The following WDR49 variants were observed in gnomAD, a reference collection of about 807,000 sequenced individuals.
The protein encoded by WDR49 is cilia- and flagella-associated protein 337.
Under a neutral mutation model 119.5 loss-of-function variants are expected in WDR49, and 107 were observed. The observed-to-expected ratio is 0.90, with a 90% CI of 0.77 to 1.05. The LOEUF (loss-of-function observed/expected upper bound fraction) is 1.05, where lower values mean the gene tolerates loss of function less well. Among genes scored for constraint, WDR49 ranks in the 50% least tolerant of loss-of-function variants. The pLI, the probability that WDR49 is intolerant of heterozygous loss-of-function variation, is 0.00. For synonymous variants in WDR49, 425 were observed against 418.8 expected (o/e 1.01, Z -0.18); for missense variants, 1,240 against 1,220.5 (o/e 1.02, Z -0.24).
In WDR49 at chr3:167,504,705, G is replaced by A. The variant is rs568592129; in HGVS notation, c.2884+602C>T. ...GGACATGAGATTTGGAGGTGCCAGG[G>A]ATGGAATGATATAGCCTGGATATTT... On this transcript the variant is annotated intron_variant, in intron 17 of 18. Transcript: ENST00000682715. Among the ~76,000 whole-genome samples, 34 of 152,238 alleles carry A rather than the reference G, an allele frequency of 2.2e-4. No individual in the cohort carries two copies. In the South Asian group the frequency reaches 6.6e-3, roughly 30 times the overall value.
At chr3:167,551,328 T>A (rs1470541386) in intron 10 of WDR49, among the ~76,000 whole-genome samples, 1 of 151,948 alleles carries the variant, frequency 6.6e-6, no homozygotes, top group Non-Finnish European at 1.5e-5. Flanking sequence ...AAAATATATA[T>A]GGGAAGGAAA....
chr3:167,528,476 G>T (rs1451505896), intron 14 of WDR49, among the ~76,000 whole-genome samples: 2 of 151,648 alleles, frequency 1.3e-5, no homozygotes, highest in African/African-American at 4.8e-5. Flanking sequence ...CAGATAAGGT[G>T]TAGCCTCACC....
intron 9 of WDR49, among the ~76,000 whole-genome samples, chr3:167,555,500 C>T (rs1331303309): frequency 6.6e-6 from 1 of 152,226 alleles, no homozygotes; most frequent in Non-Finnish European, 1.5e-5. Flanking sequence ...TGCTGATTTA[C>T]AGCCCGTCAG....
intron 18 of WDR49, among the ~76,000 whole-genome samples, chr3:167,486,435 CCTTA>C (rs1160887668): frequency 6.6e-6 from 1 of 151,994 alleles, no homozygotes; most frequent in East Asian, 1.9e-4. Context: ...GGGCTAAACA[CCTTA>C]CTTAAAAGAC....
At chr3:167,552,918 T>TG (rs1712658500) in intron 10 of WDR49, among the ~76,000 whole-genome samples, 1 of 152,120 alleles carries the variant, frequency 6.6e-6, no homozygotes, top group Non-Finnish European at 1.5e-5. Flanking sequence ...CTTAACCTAA[T>TG]GGACTCTAAA....
At chr3:167,628,633 T>C (rs1717233489) in intron 2 of WDR49, among the ~76,000 whole-genome samples, 1 of 152,016 alleles carries the variant, frequency 6.6e-6, no homozygotes, top group Non-Finnish European at 1.5e-5. Context: ...TTCATGAGGT[T>C]TGAAAAAAAG....
chr3:167,646,504 G>A (rs959709002), intron 2 of WDR49, among the ~76,000 whole-genome samples: 1 of 152,148 alleles, frequency 6.6e-6, no homozygotes, highest in African/African-American at 2.4e-5. Flanking sequence ...GAAAGGGTTC[G>A]AAGCAGCATT....
chr3:167,620,667 G>A, intron 4 of WDR49, 64 bp from the exon 5 acceptor site: 1 of 1,420,106 alleles, frequency 7.0e-7, no homozygotes, highest in South Asian at 1.5e-5. Context: ...AAGATTCTAG[G>A]TTATTTTAGT....
At chr3:167,580,717 C>A (rs983186541) in intron 7 of WDR49, among the ~76,000 whole-genome samples, 8 of 152,068 alleles carry the variant, frequency 5.3e-5, no homozygotes, top group African/African-American at 1.9e-4. Flanking sequence ...TAATCAAGTC[C>A]TTTGACAAAA....
At chr3:167,548,203 G>A (rs1203890851) in intron 10 of WDR49, among the ~76,000 whole-genome samples, 1 of 151,756 alleles carries the variant, frequency 6.6e-6, no homozygotes, top group Non-Finnish European at 1.5e-5. Flanking sequence ...AGATTTTTAG[G>A]CCTAAAATTA....
intron 9 of WDR49, among the ~76,000 whole-genome samples, chr3:167,557,266 G>T (rs1040229363): frequency 6.6e-6 from 1 of 152,030 alleles, no homozygotes; most frequent in African/African-American, 2.4e-5. Flanking sequence ...TCATCTCACA[G>T]ATGATTAAAA....
chr3:167,576,212 AT>A (rs1577250989), intron 7 of WDR49, 61 bp from the exon 8 acceptor site: 43 of 1,471,978 alleles, frequency 2.9e-5, no homozygotes, highest in East Asian at 1.5e-4. Flanking sequence ...CTTTTAGCCA[AT>A]TTTTTTTCTA....
chr3:167,621,787 G>A (rs770111216), intron 3 of WDR49, 144 bp from the exon 4 acceptor site: 34 of 771,046 alleles, frequency 4.4e-5, no homozygotes, highest in Admixed American at 6.3e-5. Flanking sequence ...TAAGAACAGC[G>A]GCACAAATGT....
In WDR49 at chr3:167,564,906, G is replaced by GA. The variant is rs796980602; in HGVS notation, c.1510-4679dup. Among the ~76,000 whole-genome samples, 798 of 145,890 alleles carry GA rather than the reference G, an allele frequency of 5.5e-3. 8 individuals carry two copies. Among genetic ancestry groups the GA allele is most frequent in the African/African-American group, 0.019 (744 of 39,944 alleles). On this transcript the variant is annotated intron_variant, in intron 8 of 18. Coordinates refer to ENST00000682715, the MANE Select transcript of WDR49 (RefSeq NM_001366157.1). The stretch of plus-strand genomic sequence containing the variant: ...TGTGCATTTCAAGTCCTGGGTCTAA[G>GA]AAAAAAAAAACAGGAATCAAAAATT...
intron 13 of WDR49, among the ~76,000 whole-genome samples, chr3:167,530,343 G>A (rs978802676): frequency 2.0e-5 from 3 of 151,836 alleles, no homozygotes; most frequent in Admixed American, 1.3e-4. Context: ...CTGAAGATAC[G>A]ATTGTTATTT....
At position 167,653,836 on chromosome 3, in the gene WDR49, T is replaced by G. The variant is rs1718500333; in HGVS notation, c.-77A>C. 6.5e-6 allele frequency: 1 copy of G among 154,990 alleles called. No homozygotes were observed. Among genetic ancestry groups the G allele is most frequent in the African/African-American group, 2.4e-5 (1 of 41,488 alleles). The allele number at this position is 154,990 out of a possible 1,614,324, so 9.6% of individuals were successfully genotyped here. A position where few individuals can be genotyped will look rare whatever the true frequency, so the allele number is the denominator to read the frequency against. The stretch of plus-strand genomic sequence containing the variant: ...TCCCAAAAATCTCTTTAACTAACCT[T>G]GCTTCCATTAACATGTTGTAGTTTT... On this transcript the variant is annotated splice_region_variant and 5_prime_UTR_variant, in exon 1 of 19. Transcript: ENST00000682715.
At chr3:167,542,670 A>T (rs544402542) in intron 10 of WDR49, among the ~76,000 whole-genome samples, 12 of 152,046 alleles carry the variant, frequency 7.9e-5, no homozygotes, top group Non-Finnish European at 1.6e-4. Flanking sequence ...AGCATTAAAT[A>T]CCTATATCAA....
intron 6 of WDR49, among the ~76,000 whole-genome samples, chr3:167,602,962 T>C (rs941955189): frequency 6.6e-6 from 1 of 152,128 alleles, no homozygotes; most frequent in Non-Finnish European, 1.5e-5. Flanking sequence ...AGGTGTGTAG[T>C]AGGCTACACC....
At chr3:167,545,471 T>C (rs958776678) in intron 10 of WDR49, among the ~76,000 whole-genome samples, 2 of 140,266 alleles carry the variant, frequency 1.4e-5, no homozygotes, top group African/African-American at 5.3e-5. Flanking sequence ...AATAAGTGGA[T>C]AAAGAAAATG....
Sources: allele counts gnomAD v4.1 joint callset (sites outside exome capture counted in the v4.1 genomes callset), GRCh38; gene constraint gnomAD v4.1.1; transcripts MANE v1.5; gene names NCBI Gene and HGNC (gene_info 2026-07-23, HGNC 2026-07-21).